Variants in FAM81A observed in about 807,000 individuals in gnomAD.
The protein encoded by FAM81A is protein FAM81A.
In FAM81A, 19 loss-of-function variants were observed where a neutral mutation model predicts 46.7. The ratio of observed to expected loss-of-function variants is 0.41; its 90% CI spans 0.28 to 0.60. The LOEUF (loss-of-function observed/expected upper bound fraction) is 0.60. FAM81A is among the 20% of genes least tolerant of loss of function. The pLI, the probability that FAM81A is intolerant of heterozygous loss-of-function variation, is 0.34. For synonymous variants in FAM81A, 183 were observed against 152.9 expected, an observed-to-expected ratio of 1.20 and a Z score of -1.45; for missense variants, 377 against 453.5, an observed-to-expected ratio of 0.83 and a Z score of 1.53.
intron 3 of FAM81A, among the ~76,000 whole-genome samples, chr15:59,487,279 CTTGT>C (rs1450581773): frequency 1.0e-4 from 15 of 145,496 alleles, no homozygotes; most frequent in African/African-American, 1.3e-4. Context: ...TTTCTTTTTG[CTTGT>C]TTGTTTGTTT....
intron 1 of FAM81A, among the ~76,000 whole-genome samples, chr15:59,399,038 G>A (rs1166733391): frequency 3.3e-5 from 5 of 151,792 alleles, no homozygotes; most frequent in Non-Finnish European, 5.9e-5. Flanking sequence ...ATGTGGTGGC[G>A]TGTGCCTGTA....
At chr15:59,459,196 C>T (rs768156447) in intron 2 of FAM81A, among the ~76,000 whole-genome samples, 1 of 152,026 alleles carries the variant, frequency 6.6e-6, no homozygotes, top group Non-Finnish European at 1.5e-5. Context: ...GATAGGGTCT[C>T]GTTGTGTTGC....
At chr15:59,405,732 A>C (rs528833906) in intron 2 of FAM81A, among the ~76,000 whole-genome samples, 64 of 152,282 alleles carry the variant, frequency 4.2e-4, no homozygotes, top group Middle Eastern at 3.4e-3. Flanking sequence ...TCCACACACA[A>C]GGAGAGAACA....
intron 4 of FAM81A, among the ~76,000 whole-genome samples, chr15:59,506,362 G>C (rs1227204402): frequency 1.3e-5 from 2 of 152,046 alleles, no homozygotes; most frequent in Admixed American, 1.3e-4. Flanking sequence ...ATGCCATGGT[G>C]GGAGTCTGTG....
At chr15:59,468,115 A>G (rs1019796064) in intron 3 of FAM81A, among the ~76,000 whole-genome samples, 5 of 152,046 alleles carry the variant, frequency 3.3e-5, no homozygotes, top group African/African-American at 9.7e-5. Flanking sequence ...GTTTGCCAGT[A>G]TTTTATTGAG....
At chr15:59,477,343 C>T (rs559456044) in intron 3 of FAM81A, among the ~76,000 whole-genome samples, 3 of 152,008 alleles carry the variant, frequency 2.0e-5, no homozygotes, top group Admixed American at 6.6e-5. Flanking sequence ...TTTCAGTTCA[C>T]GCAGTAAAAT....
In FAM81A at chr15:59,521,325, G is replaced by A. The variant is rs1297764588; in HGVS notation, c.1054G>A (p.Asp352Asn). The change falls in exon 9 of 9, where the codon GAC becomes AAC. Residue 352 changes from aspartate to asparagine, a missense_variant. Physicochemically the swap from Asp to Asn is conservative, Grantham distance 23. Coordinates refer to ENST00000288228, the MANE Select transcript of FAM81A (RefSeq NM_152450.3). ...CGAGGCCAAGATGAAGCTGGACAGG[G>A]ACCAGCTACAGAAGCAAATCCAGCT... Reference protein sequence around the residue: ...VLEAKMKLDRDQLQKQIQLMQ... With the variant: ...VLEAKMKLDRNQLQKQIQLMQ... 9 of 1,613,654 alleles carry A rather than the reference G, an allele frequency of 5.6e-6. No individual in the cohort carries two copies. The Admixed American group carries it at 1.5e-4, about 27-fold the overall frequency.
intron 6 of FAM81A, among the ~76,000 whole-genome samples, chr15:59,512,656 C>T (rs1253063763): frequency 6.6e-6 from 1 of 152,026 alleles, no homozygotes; most frequent in Non-Finnish European, 1.5e-5. Flanking sequence ...TCTTACCTGG[C>T]AGGGGTTCAC....
intron 2 of FAM81A, among the ~76,000 whole-genome samples, chr15:59,431,208 T>C (rs2081218339): frequency 6.6e-6 from 1 of 152,102 alleles, no homozygotes; most frequent in Admixed American, 6.6e-5. Context: ...TTTGTCATAG[T>C]CCTAACAATT....
intron 6 of FAM81A, among the ~76,000 whole-genome samples, chr15:59,513,082 A>T (rs2082230216): frequency 6.6e-6 from 1 of 152,214 alleles, no homozygotes; most frequent in Non-Finnish European, 1.5e-5. Context: ...CATCACATAC[A>T]TTCTTCTGTA....
chr15:59,511,444 G>T (rs1293541425), intron 6 of FAM81A, among the ~76,000 whole-genome samples: 1 of 152,158 alleles, frequency 6.6e-6, no homozygotes, highest in Non-Finnish European at 1.5e-5. Flanking sequence ...AAAGGACACG[G>T]GTTCACATCA....
chr15:59,519,450 T>TCCTCCCTC (rs1278651359), intron 8 of FAM81A, among the ~76,000 whole-genome samples: 1 of 150,578 alleles, frequency 6.6e-6, no homozygotes, highest in Non-Finnish European at 1.5e-5. Context: ...CGGCCTGCCT[T>TCCTCCCTC]CCTCCCTCCC....
intron 3 of FAM81A, among the ~76,000 whole-genome samples, chr15:59,480,039 G>T (rs1464498678): frequency 6.6e-6 from 1 of 152,150 alleles, no homozygotes; most frequent in African/African-American, 2.4e-5. Flanking sequence ...TCAGGGAGAG[G>T]CATGGCATGG....
intron 2 of FAM81A, among the ~76,000 whole-genome samples, chr15:59,428,786 A>G (rs1456054715): frequency 1.3e-5 from 2 of 152,030 alleles, no homozygotes; most frequent in African/African-American, 4.8e-5. Context: ...GCAGGCCACC[A>G]TGCCAAGCTA....
rs970060127 is a variant in FAM81A, at chr15:59,516,713, G to C, written c.855G>C (p.Glu285Asp). The change falls in exon 8 of 9, where the codon GAG (glutamate) becomes GAC (aspartate). Residue 285 changes from glutamate to aspartate, a missense_variant. By Grantham distance (45) the Glu-to-Asp change is conservative (BLOSUM62 2). Coordinates refer to ENST00000288228, the MANE Select transcript of FAM81A (RefSeq NM_152450.3). Reference sequence around the variant, plus strand: ...CAGCCAGGCTTGACAAAATAGAAGAGGGTCAAAAGAAGACTTTTGATGGTC... The same window carrying C: ...CAGCCAGGCTTGACAAAATAGAAGACGGTCAAAAGAAGACTTTTGATGGTC... ...QMSARLDKIEEGQKKTFDGQR... is the reference protein window; with the variant it reads ...QMSARLDKIEDGQKKTFDGQR... 1.9e-6 allele frequency: 3 copies of C among 1,613,626 alleles called. No homozygotes were observed. The highest frequency in any genetic ancestry group is 2.7e-5 in the African/African-American group (2 of 74,998).
At chr15:59,484,557 G>T (rs1331635450) in intron 3 of FAM81A, among the ~76,000 whole-genome samples, 4 of 152,190 alleles carry the variant, frequency 2.6e-5, no homozygotes, top group Non-Finnish European at 5.9e-5. Context: ...GTGCTTTGAG[G>T]AGGGAGAGTG....
At chr15:59,466,150 A>G (rs1373195483) in intron 3 of FAM81A, among the ~76,000 whole-genome samples, 15 of 152,196 alleles carry the variant, frequency 9.9e-5, no homozygotes, top group African/African-American at 3.4e-4. Flanking sequence ...GCTATTCTGA[A>G]TAGTGCTGCA....
chr15:59,520,088 A>G (rs994433866), intron 8 of FAM81A, among the ~76,000 whole-genome samples: 10 of 99,066 alleles, frequency 1.0e-4, no homozygotes, highest in African/African-American at 4.0e-4. Context: ...ACATTATGAG[A>G]TTTTTTTGTG....
chr15:59,478,232 T>G (rs1027288153), intron 3 of FAM81A, among the ~76,000 whole-genome samples: 2 of 152,204 alleles, frequency 1.3e-5, no homozygotes, highest in African/African-American at 4.8e-5. Context: ...CGGACCTACT[T>G]TAGTTCCCAT....
Sources: allele counts gnomAD v4.1 joint callset (sites outside exome capture counted in the v4.1 genomes callset), GRCh38; gene constraint gnomAD v4.1.1; transcripts MANE v1.5; gene names NCBI Gene and HGNC (gene_info 2026-07-23, HGNC 2026-07-21).